SLC38A9: variants seen among roughly 807,000 people sequenced by gnomAD.
SLC38A9 encodes neutral amino acid transporter 9.
A neutral mutation model predicts 62.3 loss-of-function variants in SLC38A9; 48 were observed. The observed-to-expected ratio is 0.77, with a 90% CI of 0.61 to 0.98. SLC38A9 has a LOEUF of 0.98. Ranked by LOEUF, SLC38A9 falls within the 50% of genes least tolerant of loss-of-function variation. The pLI, the probability that SLC38A9 is intolerant of heterozygous loss-of-function variation, is 0.00. For missense variants in SLC38A9, 541 were observed against 679.8 expected, an observed-to-expected ratio of 0.80 and a Z score of 2.27; for synonymous variants, 204 against 227.7, an observed-to-expected ratio of 0.90 and a Z score of 0.94.
At chr5:55,706,028 A>G (rs1457129564) in intron 2 of SLC38A9, among the ~76,000 whole-genome samples, 13 of 152,170 alleles carry the variant, frequency 8.5e-5, no homozygotes, top group African/African-American at 3.1e-4. Context: ...TCTTTAAGAC[A>G]TAATCAGGGC....
chr5:55,669,306 C>T lies in SLC38A9; in HGVS notation c.448G>A (p.Gly150Arg). The change falls in exon 7 of 16, where the codon GGA becomes AGA. Residue 150 changes from glycine to arginine, a missense_variant. Gly to Arg is a moderately radical substitution (Grantham distance 125). Coordinates refer to ENST00000396865, the MANE Select transcript of SLC38A9 (RefSeq NM_173514.4). Reference sequence around the variant, plus strand: ...CCCATCAGTATGATGACACACATTCCAGTAGTAAATCCAGCCTGTTTAAAA... The same window carrying T: ...CCCATCAGTATGATGACACACATTCTAGTAGTAAATCCAGCCTGTTTAAAA... ...WGIKQAGFTT[G>R]MCVIILMGLL... 6.2e-7 allele frequency: 1 copy of T among 1,612,344 alleles called. No homozygotes were observed. The highest frequency in any genetic ancestry group is 8.5e-7 in the Non-Finnish European group (1 of 1,179,336).
intron 14 of SLC38A9, 30 bp downstream of exon 14, chr5:55,633,724 C>T (rs925945958): frequency 1.9e-6 from 3 of 1,613,772 alleles, no homozygotes; most frequent in East Asian, 2.2e-5. Flanking sequence ...TTGCTTGGCA[C>T]ATCCTGCTGG....
chr5:55,638,843 C>T (rs546285717), intron 12 of SLC38A9, among the ~76,000 whole-genome samples: 1 of 152,090 alleles, frequency 6.6e-6, no homozygotes, highest in Non-Finnish European at 1.5e-5. Flanking sequence ...CAACTAAACA[C>T]AGACAAAACA....
At chr5:55,654,849 AT>A (rs759075288) in intron 9 of SLC38A9, among the ~76,000 whole-genome samples, 5 of 149,912 alleles carry the variant, frequency 3.3e-5, no homozygotes, top group South Asian at 4.2e-4. Context: ...GTTAGCTGTA[AT>A]TTTTTTTTTG....
intron 6 of SLC38A9, 35 bp downstream of exon 6, chr5:55,669,522 T>C (rs1437799541): frequency 3.2e-6 from 5 of 1,558,572 alleles, no homozygotes; most frequent in Non-Finnish European, 4.4e-6. Context: ...GAGAAAAACA[T>C]TTAGGCAAAA....
chr5:55,635,706 A>G (rs1561306473), intron 12 of SLC38A9, 49 bp from the exon 13 acceptor site: 2 of 1,271,878 alleles, frequency 1.6e-6, no homozygotes, highest in Non-Finnish European at 2.3e-6. Flanking sequence ...CCTTGTAGTA[A>G]GTCTACCTTA....
At position 55,688,192 on chromosome 5, in the gene SLC38A9, G is replaced by A. The variant is rs148793321; in HGVS notation, c.113+9654C>T. On this transcript the variant is annotated intron_variant, in intron 3 of 15. Transcript: ENST00000396865. ...TACAGTTTTTTAGATATAGGATCAC[G>A]TCATCTGCAAACAGGGATAGTTTGA... Among the ~76,000 whole-genome samples, 66 of 152,190 alleles carry A rather than the reference G, an allele frequency of 4.3e-4. 1 individual carries two copies. In the East Asian group the frequency reaches 6.0e-3, roughly 14 times the overall value.
At chr5:55,703,004 T>C (rs1306103772) in intron 2 of SLC38A9, 2 of 152,194 alleles carry the variant, frequency 1.3e-5, no homozygotes, top group African/African-American at 4.8e-5. Flanking sequence ...AGAAGGGCTT[T>C]ATTTCTATAT....
intron 8 of SLC38A9, among the ~76,000 whole-genome samples, chr5:55,661,856 T>C (rs757521573): frequency 3.9e-5 from 6 of 152,118 alleles, no homozygotes; most frequent in Non-Finnish European, 8.8e-5. Context: ...AACAACCCGA[T>C]AGAAAAATGG....
At chr5:55,656,322 A>G (rs1748422795) in intron 9 of SLC38A9, among the ~76,000 whole-genome samples, 1 of 151,918 alleles carries the variant, frequency 6.6e-6, no homozygotes, top group South Asian at 2.1e-4. Flanking sequence ...TATAGCATAT[A>G]TATTAATAAC....
chr5:55,681,293 ACT>A (rs1203339837), intron 3 of SLC38A9, among the ~76,000 whole-genome samples: 1 of 152,234 alleles, frequency 6.6e-6, no homozygotes. Flanking sequence ...ATATTAAAAC[ACT>A]CTTAAATTAT....
intron 3 of SLC38A9, among the ~76,000 whole-genome samples, chr5:55,689,589 C>T (rs1453934275): frequency 6.6e-6 from 1 of 152,136 alleles, no homozygotes; most frequent in Non-Finnish European, 1.5e-5. Flanking sequence ...GGATGTGTTA[C>T]AATATTGAGC....
At chr5:55,680,598 T>C (rs984123955) in intron 3 of SLC38A9, among the ~76,000 whole-genome samples, 2 of 143,828 alleles carry the variant, frequency 1.4e-5, no homozygotes, top group South Asian at 2.3e-4. Flanking sequence ...AGCTTCCAGA[T>C]TGTGAGAAAT....
intron 2 of SLC38A9, among the ~76,000 whole-genome samples, chr5:55,702,322 C>T (rs1756771762): frequency 6.6e-6 from 1 of 151,488 alleles, no homozygotes; most frequent in African/African-American, 2.4e-5. Context: ...GGTGCAGTGG[C>T]ATGATCATGG....
chr5:55,678,653 T>TTTG (rs1752564653), intron 3 of SLC38A9, among the ~76,000 whole-genome samples: 1 of 132,416 alleles, frequency 7.6e-6, no homozygotes, highest in African/African-American at 2.8e-5. Context: ...AACTTTTTTT[T>TTTG]TTTTTTTTTT....
intron 12 of SLC38A9, among the ~76,000 whole-genome samples, chr5:55,637,585 GA>G (rs1744650727): frequency 1.3e-5 from 2 of 152,214 alleles, no homozygotes; most frequent in African/African-American, 4.8e-5. Context: ...ATTCTGAGGA[GA>G]GAGACCACGT....
intron 12 of SLC38A9, among the ~76,000 whole-genome samples, chr5:55,643,640 A>T (rs1745801581): frequency 6.6e-6 from 1 of 152,340 alleles, no homozygotes; most frequent in Non-Finnish European, 1.5e-5. Flanking sequence ...ACGTCCAATT[A>T]TAATTGTGGA....
chr5:55,641,789 G>T (rs1208396571), intron 12 of SLC38A9, among the ~76,000 whole-genome samples: 1 of 152,206 alleles, frequency 6.6e-6, no homozygotes, highest in African/African-American at 2.4e-5. Context: ...TTTGAAAGAA[G>T]TTATGTGATT....
At chr5:55,708,518 A>G (rs942260435) in intron 2 of SLC38A9, among the ~76,000 whole-genome samples, 1 of 152,228 alleles carries the variant, frequency 6.6e-6, no homozygotes, top group African/African-American at 2.4e-5. Context: ...TCTTTGCAAA[A>G]ATAAATCTAT....
Sources: gnomAD v4.1 joint callset for allele counts (sites outside exome capture counted in the v4.1 genomes callset) on GRCh38, gnomAD v4.1.1 for gene constraint, MANE v1.5 for transcripts, NCBI Gene and HGNC (gene_info 2026-07-23, HGNC 2026-07-21) for gene names.